BDP1: variants seen among roughly 807,000 people sequenced by gnomAD.
BDP1 encodes transcription factor TFIIIB component B'' homolog.
In BDP1, 169 loss-of-function variants were observed where a neutral mutation model predicts 266.6. The ratio of observed to expected loss-of-function variants is 0.63; its 90% CI spans 0.56 to 0.72. The LOEUF is 0.72. BDP1 is among the 30% of genes least tolerant of loss of function. The probability of loss-of-function intolerance (pLI) is 0.00; values close to 1 mark genes in which losing one functional copy is unlikely to be tolerated. For missense variants in BDP1, 3,015 were observed against 3,053.8 expected (o/e 0.99, Z 0.30); for synonymous variants, 1,090 against 1,022.4 (o/e 1.07, Z -1.26).
chr5:71,553,284 C>T lies in BDP1; in HGVS notation c.7164C>T (p.Leu2388=). Residue 2388 remains leucine, a synonymous_variant, in exon 35 of 39, where the codon CTC becomes CTT. Transcript: ENST00000358731. ...DHIPPAKKRS[L]TLRDDCQEYT... Reference sequence around the variant, plus strand: ...TTCCTCCTGCCAAAAAACGTTCACTCACTTTAAGAGATGACTGTCAAGAAT... The same window carrying T: ...TTCCTCCTGCCAAAAAACGTTCACTTACTTTAAGAGATGACTGTCAAGAAT... 1 of 1,612,986 alleles carries T rather than the reference C, an allele frequency of 6.2e-7. No individual in the cohort carries two copies.
In BDP1 at chr5:71,501,026, G is replaced by C. The variant is rs536763789; in HGVS notation, c.1957-536G>C. ...GTGGGAGGATCACCTGAGCCTTGGG[G>C]GTCAAGGCTGCAGTGAGCTATGATC... is the stretch of plus-strand genomic sequence containing the variant. On this transcript the variant is annotated intron_variant, in intron 13 of 38. Coordinates refer to ENST00000358731, the MANE Select transcript of BDP1 (RefSeq NM_018429.3). Among the ~76,000 whole-genome samples, 7 of 151,940 alleles carry C rather than the reference G, an allele frequency of 4.6e-5. 1 individual carries two copies. The South Asian group carries it at 1.5e-3, about 32-fold the overall frequency.
At position 71,510,355 on chromosome 5, in the gene BDP1, A is replaced by G; in HGVS notation, c.3263A>G (p.Glu1088Gly). ...GTGATTGATGCCATTGAGGAAATAG[A>G]GATAGATTTGGAAGAAACTGAAAGA... ...PEVIDAIEEI[E>G]IDLEETEREI... Residue 1088 changes from glutamate (E) to glycine (G), a missense_variant, in exon 17 of 39, where the codon GAG becomes GGG. Coordinates refer to ENST00000358731, the MANE Select transcript of BDP1 (RefSeq NM_018429.3). 1 of 1,614,066 alleles carries G rather than the reference A, an allele frequency of 6.2e-7. No individual in the cohort carries two copies. The highest frequency in any genetic ancestry group is 1.1e-5 in the South Asian group (1 of 91,070).
intron 22 of BDP1, 38 bp from the exon 23 acceptor site, chr5:71,522,251 G>T (rs1309391680): frequency 5.2e-6 from 8 of 1,543,134 alleles, no homozygotes; most frequent in Non-Finnish European, 7.1e-6. Flanking sequence ...AAGAAATTCT[G>T]ATTTTTGTTC....
intron 34 of BDP1, among the ~76,000 whole-genome samples, chr5:71,550,942 G>A (rs1742696631): frequency 6.6e-6 from 1 of 152,108 alleles, no homozygotes; most frequent in Admixed American, 6.5e-5. Context: ...CTGGCCTCAG[G>A]TAATACACCT....
Position 71,532,380 on chromosome 5 carries a change from G to A in BDP1, c.5845G>A (p.Val1949Met), listed in dbSNP as rs199778972. ...VVEHELPNTD[V>M]TTEEMKQEEN... ...TGAACATGAGCTACCAAACACAGAT[G>A]TGACTACTGAAGAAATGAAACAAGA... The change falls in exon 26 of 39, where the codon GTG (valine) becomes ATG (methionine). Residue 1949 changes from valine (V) to methionine (M), a missense_variant. This residue lies in a region of BDP1 where 2,383 missense variants were observed against 2,404.9 expected (regional missense o/e 0.99). Coordinates refer to ENST00000358731, the MANE Select transcript of BDP1 (RefSeq NM_018429.3). 3.4e-4 allele frequency: 555 copies of A among 1,613,614 alleles called. 4 individuals are homozygous for A. Among genetic ancestry groups the A allele is most frequent in the South Asian group, 2.2e-3 (203 of 91,042 alleles).
Position 71,511,144 on chromosome 5 carries a change from A to T in BDP1, c.4052A>T (p.Asp1351Val), listed in dbSNP as rs1764897258. 1 of 1,600,732 alleles carries T rather than the reference A, an allele frequency of 6.2e-7. No individual in the cohort carries two copies. Among genetic ancestry groups the T allele is most frequent in the African/African-American group, 1.3e-5 (1 of 74,158 alleles). The change falls in exon 17 of 39, where the codon GAT becomes GTT. Residue 1351 changes from aspartate (D) to valine (V), a missense_variant. Transcript: ENST00000358731. ...SNDFSAVPSL[D>V]IQNISSEVLS... Reference sequence around the variant, plus strand: ...GACTTCAGTGCTGTGCCTTCACTAGATATTCAGGTATGTATTTTTCTGTCC... The same window carrying T: ...GACTTCAGTGCTGTGCCTTCACTAGTTATTCAGGTATGTATTTTTCTGTCC...
chr5:71,521,381 C>T (rs1765487323), intron 22 of BDP1, among the ~76,000 whole-genome samples: 1 of 150,296 alleles, frequency 6.7e-6, no homozygotes, highest in Non-Finnish European at 1.5e-5. Flanking sequence ...TAACCTCCAC[C>T]TCCCAGGTTC....
chr5:71,489,135 G>A (rs1763438293), intron 9 of BDP1, among the ~76,000 whole-genome samples: 1 of 152,132 alleles, frequency 6.6e-6, no homozygotes, highest in South Asian at 2.1e-4. Flanking sequence ...GAGATTTTAT[G>A]TGTATCTTGT....
intron 25 of BDP1, among the ~76,000 whole-genome samples, chr5:71,530,216 ATTTATTTATTTTTCT>A (rs1766149840): frequency 6.6e-6 from 1 of 151,564 alleles, no homozygotes; most frequent in Admixed American, 6.6e-5. Flanking sequence ...TTTTTGTTAC[ATTTATTTATTTTTCT>A]TTTCTTTATT....
At chr5:71,540,079 A>C (rs1766871344) in intron 28 of BDP1, among the ~76,000 whole-genome samples, 1 of 152,178 alleles carries the variant, frequency 6.6e-6, no homozygotes, top group Non-Finnish European at 1.5e-5. Context: ...AGACAATAGC[A>C]CTCATTGAAA....
intron 7 of BDP1, among the ~76,000 whole-genome samples, chr5:71,482,167 G>A (rs957854695): frequency 2.6e-5 from 4 of 152,160 alleles, no homozygotes; most frequent in African/African-American, 9.7e-5. Context: ...TTAGGCCAAG[G>A]TATCATGGGG....
In BDP1 at chr5:71,548,719, A is replaced by C; in HGVS notation, c.6782A>C (p.Asn2261Thr). The C allele has an allele frequency of 6.2e-7, 1 of 1,607,166 alleles. No homozygotes were observed. Among genetic ancestry groups the C allele is most frequent in the Non-Finnish European group, 8.5e-7 (1 of 1,173,970 alleles). Residue 2261 changes from asparagine (N) to threonine (T), a missense_variant, in exon 33 of 39, where the codon AAT (asparagine) becomes ACT (threonine). Coordinates refer to ENST00000358731, the MANE Select transcript of BDP1 (RefSeq NM_018429.3). ...PTSIPEVQQE[N>T]IINPQDLTVN... Reference sequence around the variant, plus strand: ...AGTATTCCAGAAGTCCAACAAGAGAATATAATCAATCCTCAAGACCTAACA... The same window carrying C: ...AGTATTCCAGAAGTCCAACAAGAGACTATAATCAATCCTCAAGACCTAACA...
chr5:71,538,302 C>T (rs547915993), intron 26 of BDP1, among the ~76,000 whole-genome samples: 3 of 152,022 alleles, frequency 2.0e-5, no homozygotes, highest in Non-Finnish European at 4.4e-5. Flanking sequence ...AGTCCTACTC[C>T]CCTAGGGAAA....
In BDP1 at chr5:71,544,904, A is replaced by AAAG. The variant is rs1554125849; in HGVS notation, c.6564-134_6564-132dup. 13,610 of 436,900 alleles carry AAAG rather than the reference A, an allele frequency of 0.031. 980 individuals carry two copies. The highest frequency in any genetic ancestry group is 0.051 in the South Asian group (2,090 of 40,668). 27.1% of individuals were successfully genotyped at this position (436,900 alleles called of 1,614,324 possible). The stretch of plus-strand genomic sequence containing the variant: ...CAAAAAAAAAAAAAAAAAAAAAAAA[A>AAAG]AAGTCCTATTGCATTAAATATGTTT... On this transcript the variant is annotated intron_variant, in intron 31 of 38. Transcript: ENST00000358731.
At chr5:71,555,425 T>A (rs1473478699) in intron 35 of BDP1, among the ~76,000 whole-genome samples, 1 of 151,706 alleles carries the variant, frequency 6.6e-6, no homozygotes, top group African/African-American at 2.4e-5. Context: ...GTTTGAATTT[T>A]TGTAGTTTTC....
rs1300578938 is a variant in BDP1 at position 71,544,506 on chromosome 5, AG to A, written c.6563+1del. 6.2e-7 allele frequency: 1 copy of A among 1,607,540 alleles called. No homozygotes were observed. The highest frequency in any genetic ancestry group is 1.3e-5 in the African/African-American group (1 of 74,440). ...TTCTTCAGAAGTAAACCTAACTGAAAGGTAAAAGAGTGAAGAGGTTCTGAGA... is the reference window on the plus strand; with the variant it reads ...TTCTTCAGAAGTAAACCTAACTGAAAGTAAAAGAGTGAAGAGGTTCTGAGA... ...SISSEVNLTE[R>X]NENQEESSQE... On this transcript the variant is annotated frameshift_variant and splice_region_variant, in exon 31 of 39. Coordinates refer to ENST00000358731, the MANE Select transcript of BDP1 (RefSeq NM_018429.3). LOFTEE classifies it high-confidence loss of function.
intron 2 of BDP1, among the ~76,000 whole-genome samples, chr5:71,461,126 T>C (rs1309038532): frequency 6.6e-6 from 1 of 152,122 alleles, no homozygotes. Context: ...GCTATAGGCA[T>C]ATGCCACCAC....
chr5:71,549,738 A>C, intron 34 of BDP1, 132 bp downstream of exon 34: 2 of 687,738 alleles, frequency 2.9e-6, no homozygotes, highest in Non-Finnish European at 4.4e-6. Flanking sequence ...TTATGTGGTA[A>C]GTTAGAGAAG....
At chr5:71,526,186 C>T (rs1292781695) in intron 25 of BDP1, among the ~76,000 whole-genome samples, 2 of 152,142 alleles carry the variant, frequency 1.3e-5, no homozygotes, top group East Asian at 1.9e-4. Context: ...TCTGCCATCC[C>T]GGCACCTCGG....
Sources: gnomAD v4.1 joint callset for allele counts (sites outside exome capture counted in the v4.1 genomes callset) on GRCh38, gnomAD v4.1.1 for gene constraint, gnomAD v4.1.1 regional missense constraint, MANE v1.5 for transcripts, NCBI Gene and HGNC (gene_info 2026-07-23, HGNC 2026-07-21) for gene names.